Variants in HERC5 observed in about 807,000 individuals in gnomAD.
HERC5 encodes the protein E3 ISG15--protein ligase HERC5.
HERC5 carries 99 observed loss-of-function variants against 119.6 expected under a neutral mutation model. That is an observed-to-expected ratio of 0.83 (90% CI 0.70 to 0.98). The LOEUF is 0.98. Ranked by LOEUF, HERC5 falls within the 50% of genes least tolerant of loss-of-function variation. The pLI is 0.00. For synonymous variants in HERC5, 478 were observed against 445.9 expected, an observed-to-expected ratio of 1.07 and a Z score of -0.91; for missense variants, 1,267 against 1,241.3, an observed-to-expected ratio of 1.02 and a Z score of -0.31.
chr4:88,469,317 A>G (rs1021789481), intron 9 of HERC5, 57 bp downstream of exon 9: 1 of 1,188,390 alleles, frequency 8.4e-7, no homozygotes, highest in Non-Finnish European at 1.3e-6. Flanking sequence ...TCATTTCCCA[A>G]ACTGGTTCTG....
rs756034225 is a variant in HERC5, at chr4:88,504,596, T to C, written c.2868T>C (p.Leu956=). 2 of 1,534,500 alleles carry C rather than the reference T, an allele frequency of 1.3e-6. No homozygotes were observed. Among genetic ancestry groups the C allele is most frequent in the Non-Finnish European group, 8.8e-7 (1 of 1,139,608 alleles). The part of the protein sequence containing the change: ...KLTLEEKKKF[L]VFLTGTDRLQ... ...CTCTGGAAGAAAAGAAAAAATTCCT[T>C]GGTAAGTATTATATCAAGGAATAGA... Residue 956 remains leucine, a splice_region_variant and synonymous_variant, in exon 22 of 23, where the codon CTT becomes CTC. Transcript: ENST00000264350.
intron 10 of HERC5, among the ~76,000 whole-genome samples, chr4:88,470,975 C>CTT (rs532295563): frequency 3.5e-5 from 5 of 144,788 alleles, no homozygotes; most frequent in African/African-American, 1.3e-4. Context: ...TTGTTTTTTT[C>CTT]TTTTTTTTTT....
At position 88,493,095 on chromosome 4, in the gene HERC5, G is replaced by A. The variant is rs750700319; in HGVS notation, c.2217G>A (p.Gln739=). The change falls in exon 17 of 23, where the codon CAG becomes CAA. Residue 739 remains glutamine (Q), a synonymous_variant. Coordinates refer to ENST00000264350, the MANE Select transcript of HERC5 (RefSeq NM_016323.4). ...ACTGTCTGTTTGCAGAGATGATCCAGCCGGAATATGGGATGTTCATGTATC... is the reference window on the plus strand; with the variant it reads ...ACTGTCTGTTTGCAGAGATGATCCAACCGGAATATGGGATGTTCATGTATC... ...FFYCLFAEMI[Q]PEYGMFMYPE... is the part of the protein sequence containing the mutation. The A allele has an allele frequency of 3.7e-6, 6 of 1,614,096 alleles. No individual in the cohort carries two copies. In the East Asian group the frequency reaches 1.1e-4, roughly 30 times the overall value.
chr4:88,478,410 T>A (rs1464805982), intron 12 of HERC5, among the ~76,000 whole-genome samples: 1 of 152,036 alleles, frequency 6.6e-6, no homozygotes, highest in African/African-American at 2.4e-5. Context: ...CAGAGATAGA[T>A]AATAAAATAG....
intron 5 of HERC5, 108 bp downstream of exon 5, chr4:88,463,731 G>T (rs1209720441): frequency 1.5e-6 from 2 of 1,373,510 alleles, no homozygotes; most frequent in African/African-American, 1.4e-5. Context: ...ATGTAGGACT[G>T]TCCTTCTGAT....
Position 88,485,039 on chromosome 4 carries a change from G to GT in HERC5, c.1738-1064dup, listed in dbSNP as rs901109670. ...TGGCTATTTTCAACAATTTTTAAAG[G>GT]TTTTTTTTTTTTACAAAAGGGAAAG... On this transcript the variant is annotated intron_variant, in intron 13 of 22. Coordinates refer to ENST00000264350, the MANE Select transcript of HERC5 (RefSeq NM_016323.4). 6.7e-3 allele frequency among the ~76,000 whole-genome samples: 960 copies of GT among 143,330 alleles called. 8 individuals carry two copies. The highest frequency in any genetic ancestry group is 0.015 in the African/African-American group (596 of 39,300). 94.0% of individuals were successfully genotyped at this position (143,330 alleles called of 152,430 possible). A position where few individuals can be genotyped will look rare whatever the true frequency, so the allele number is the denominator to read the frequency against.
intron 20 of HERC5, among the ~76,000 whole-genome samples, chr4:88,502,930 A>T (rs1578070594): frequency 6.6e-6 from 1 of 151,970 alleles, no homozygotes; most frequent in South Asian, 2.1e-4. Context: ...TATGTACTGC[A>T]GATATCTTCT....
In HERC5 at chr4:88,459,379, C is replaced by A; in HGVS notation, c.298C>A (p.His100Asn). 6.3e-7 allele frequency: 1 copy of A among 1,590,496 alleles called. No individual in the cohort carries two copies. The highest frequency in any genetic ancestry group is 8.5e-7 in the Non-Finnish European group (1 of 1,171,262). ...TAAATTAGGAAAAAACATGAAGATA[C>A]ATTCCGTGGACCAAGGAGCAGAGCA... The part of the protein sequence containing the change: ...CIKLGKNMKI[H>N]SVDQGAEHML... The change falls in exon 2 of 23, where the codon CAT becomes AAT. Residue 100 changes from histidine to asparagine, a missense_variant. Physicochemically the swap from His to Asn is moderately conservative, Grantham distance 68. Transcript: ENST00000264350.
At chr4:88,504,149 G>A in intron 20 of HERC5, 83 bp from the exon 21 acceptor site, 1 of 803,822 alleles carries the variant, frequency 1.2e-6, no homozygotes, top group Non-Finnish European at 2.1e-6. Flanking sequence ...TAACTGTTAG[G>A]TATTCTAGCT....
chr4:88,469,141 T>G lies in HERC5; in HGVS notation c.1135-16T>G, dbSNP rs753495657. The G allele has an allele frequency of 5.7e-5, 88 of 1,546,886 alleles. 1 individual carries two copies. In the South Asian group the frequency reaches 9.0e-4, roughly 16 times the overall value. On this transcript the variant is annotated splice_polypyrimidine_tract_variant and intron_variant, in intron 8 of 22. Coordinates refer to ENST00000264350, the MANE Select transcript of HERC5 (RefSeq NM_016323.4). ...GTGTCTAAATTATTGTATTTTACTT[T>G]CCTGTTTGTTTACAGAATTCATATG...
In HERC5 at chr4:88,505,992, G is replaced by T; in HGVS notation, c.*114G>T. ...AGGCTTTTAGCAGCCTGAAGCCATG[G>T]TTTTTCATTTCTGTCTCTAGTGATA... On this transcript the variant is annotated 3_prime_UTR_variant, in exon 23 of 23. Coordinates refer to ENST00000264350, the MANE Select transcript of HERC5 (RefSeq NM_016323.4). 1 of 797,086 alleles carries T rather than the reference G, an allele frequency of 1.3e-6. No homozygotes were observed. The highest frequency in any genetic ancestry group is 1.9e-5 in the South Asian group (1 of 53,716). The allele number at this position is 797,086 out of a possible 1,614,324, so 49.4% of individuals were successfully genotyped here. A position where few individuals can be genotyped will look rare whatever the true frequency, so the allele number is the denominator to read the frequency against.
chr4:88,495,782 AAAG>A (rs1741778934), intron 18 of HERC5, among the ~76,000 whole-genome samples: 1 of 152,234 alleles, frequency 6.6e-6, no homozygotes, highest in Non-Finnish European at 1.5e-5. Context: ...CAAGATTTAG[AAAG>A]AAGGAGATAA....
At chr4:88,482,309 CAA>C (rs79103658) in intron 13 of HERC5, among the ~76,000 whole-genome samples, 25 of 91,626 alleles carry the variant, frequency 2.7e-4, no homozygotes, top group Non-Finnish European at 2.3e-4. Flanking sequence ...GACTCCATCT[CAA>C]AAAAAAAAAA....
chr4:88,489,394 A>G (rs1275631104), intron 16 of HERC5, 58 bp downstream of exon 16: 8 of 1,468,968 alleles, frequency 5.4e-6, no homozygotes, highest in African/African-American at 1.4e-5. Flanking sequence ...ACATAAAAGA[A>G]TGTGGCAAAG....
rs1742092870 is a variant in HERC5 at position 88,505,922 on chromosome 4, T to C, written c.*44T>C. On this transcript the variant is annotated 3_prime_UTR_variant, in exon 23 of 23. Coordinates refer to ENST00000264350, the MANE Select transcript of HERC5 (RefSeq NM_016323.4). ...AGCCTTATTTTGTTGTTGTTATCGT[T>C]GTTGTTGTTGTTGTTGTTGTTGTTT... The C allele has an allele frequency of 2.9e-6, 3 of 1,033,920 alleles. No individual in the cohort carries two copies. Among genetic ancestry groups the C allele is most frequent in the Non-Finnish European group, 4.2e-6 (3 of 715,340 alleles). The allele number at this position is 1,033,920 out of a possible 1,614,324, so 64.0% of individuals were successfully genotyped here.
chr4:88,502,977 G>C (rs1741991089), intron 20 of HERC5, among the ~76,000 whole-genome samples: 1 of 151,372 alleles, frequency 6.6e-6, no homozygotes, highest in Admixed American at 6.6e-5. Context: ...TTTTAAATGT[G>C]TCTTTTGATT....
chr4:88,461,245 A>G (rs1423420317), intron 3 of HERC5, among the ~76,000 whole-genome samples: 1 of 152,196 alleles, frequency 6.6e-6, no homozygotes, highest in East Asian at 1.9e-4. Flanking sequence ...TCATGAACAA[A>G]TATTTCATAT....
intron 11 of HERC5, chr4:88,473,666 T>TA (rs1463270105): frequency 6.6e-6 from 1 of 152,238 alleles, no homozygotes; most frequent in Non-Finnish European, 1.5e-5. Flanking sequence ...CAACATTTGT[T>TA]AGAGCTCATT....
intron 18 of HERC5, among the ~76,000 whole-genome samples, chr4:88,497,823 G>T (rs1741841800): frequency 6.6e-6 from 1 of 152,142 alleles, no homozygotes; most frequent in Non-Finnish European, 1.5e-5. Flanking sequence ...GACAATGGAA[G>T]AATGATCCCA....
Sources: allele counts gnomAD v4.1 joint callset (sites outside exome capture counted in the v4.1 genomes callset), GRCh38; gene constraint gnomAD v4.1.1; transcripts MANE v1.5; gene names NCBI Gene and HGNC (gene_info 2026-07-23, HGNC 2026-07-21).